Variants in KIFBP observed in about 807,000 individuals in gnomAD.
KIFBP encodes kinesin family binding protein.
Under a neutral mutation model 58.9 loss-of-function variants are expected in KIFBP, and 46 were observed. The ratio of observed to expected loss-of-function variants is 0.78; its 90% CI spans 0.62 to 1.00. The LOEUF (loss-of-function observed/expected upper bound fraction) is 1.00. Ranked by LOEUF, KIFBP falls within the 50% of genes least tolerant of loss-of-function variation. The probability of loss-of-function intolerance (pLI) is 0.00; values close to 1 mark genes in which losing one functional copy is unlikely to be tolerated. For synonymous variants in KIFBP, 241 were observed against 283.4 expected (o/e 0.85, Z 1.50); for missense variants, 651 against 752.9 (o/e 0.86, Z 1.58).
At chr10:69,010,066 T>G (rs961287873) in intron 5 of KIFBP, among the ~76,000 whole-genome samples, 1 of 152,174 alleles carries the variant, frequency 6.6e-6, no homozygotes, top group Non-Finnish European at 1.5e-5. Flanking sequence ...AAAACTAAAT[T>G]GCTGAGATAT....
chr10:69,016,385 A>G lies in KIFBP; in HGVS notation c.1835A>G (p.Glu612Gly). Residue 612 changes from glutamate (E) to glycine (G), a missense_variant, in exon 7 of 7, where the codon GAG becomes GGG. By Grantham distance (98) the Glu-to-Gly change is moderately conservative. Transcript: ENST00000361983. ...EMVSLLPTKM[E>G]RFRTKMALT The stretch of plus-strand genomic sequence containing the variant: ...GTTAGTCTTCTCCCAACAAAAATGG[A>G]GAGATTCAGAACCAAGATGGCCCTG... The G allele has an allele frequency of 6.2e-7, 1 of 1,614,152 alleles. No individual in the cohort carries two copies. The highest frequency in any genetic ancestry group is 8.5e-7 in the Non-Finnish European group (1 of 1,180,000).
At chr10:69,001,134 T>A (rs1029610271) in intron 2 of KIFBP, among the ~76,000 whole-genome samples, 30 of 151,986 alleles carry the variant, frequency 2.0e-4, no homozygotes, top group Admixed American at 1.8e-3. Context: ...TTTTTTTTTT[T>A]AACCCGTGAA....
chr10:68,991,521 T>C (rs1843346734), intron 1 of KIFBP: 1 of 438,400 alleles, frequency 2.3e-6, no homozygotes, highest in Non-Finnish European at 4.8e-6. Context: ...AGACATGCAC[T>C]GGTCCAGAAG....
chr10:68,991,565 C>T (rs368968356), intron 1 of KIFBP: 1 of 427,364 alleles, frequency 2.3e-6, no homozygotes. Context: ...GCAGCAAGTG[C>T]TGGAGGTCAT....
chr10:68,989,255 G>T lies in KIFBP; in HGVS notation c.423G>T (p.Ala141=). ...ACTGCATCTCTCTCTGCATCCAGGC[G>T]CAGGTGAGAGCGAGCCCGGCCAGGC... ...SHDCISLCIQ[A]QNNLGILWSE... is the part of the protein sequence containing the mutation. Residue 141 remains alanine (A), a synonymous_variant, in exon 1 of 7, where the codon GCG becomes GCT. Coordinates refer to ENST00000361983, the MANE Select transcript of KIFBP (RefSeq NM_015634.4). 4 of 1,612,768 alleles carry T rather than the reference G, an allele frequency of 2.5e-6. No homozygotes were observed. Among genetic ancestry groups the T allele is most frequent in the Non-Finnish European group, 3.4e-6 (4 of 1,179,796 alleles).
At chr10:69,015,335 C>CG in intron 6 of KIFBP, 2 of 545,018 alleles carry the variant, frequency 3.7e-6, no homozygotes, top group Non-Finnish European at 6.4e-6. Flanking sequence ...TATTTAAATA[C>CG]TTTTTTTTCC....
In KIFBP at chr10:68,989,007, G is replaced by T; in HGVS notation, c.175G>T (p.Glu59Ter). ...CGGCCCTGCGCCTGAGGACGAGGAT[G>T]AGCGGCCTGAGGCCGAGGACGGCCC... ...LLGPAPEDED[E>*]RPEAEDGPGA... Residue 59 changes from glutamate (E) to a stop codon, truncating the protein, a stop_gained, in exon 1 of 7, where the codon GAG becomes TAG. Coordinates refer to ENST00000361983, the MANE Select transcript of KIFBP (RefSeq NM_015634.4). LOFTEE classifies it high-confidence loss of function. 6.2e-7 allele frequency: 1 copy of T among 1,614,186 alleles called. No individual in the cohort carries two copies. Among genetic ancestry groups the T allele is most frequent in the East Asian group, 2.2e-5 (1 of 44,882 alleles).
In KIFBP at chr10:68,989,278, G is replaced by C; in HGVS notation, c.426+20G>C. On this transcript the variant is annotated intron_variant, in intron 1 of 6. Coordinates refer to ENST00000361983, the MANE Select transcript of KIFBP (RefSeq NM_015634.4). ...GCGCAGGTGAGAGCGAGCCCGGCCAGGCCGGCCCCTGTTGGCAAATGGCGA... is the reference window on the plus strand; with the variant it reads ...GCGCAGGTGAGAGCGAGCCCGGCCACGCCGGCCCCTGTTGGCAAATGGCGA... 6.2e-7 allele frequency: 1 copy of C among 1,610,946 alleles called. No homozygotes were observed. The highest frequency in any genetic ancestry group is 8.5e-7 in the Non-Finnish European group (1 of 1,179,512).
At chr10:68,996,622 G>A (rs775029888) in intron 1 of KIFBP, among the ~76,000 whole-genome samples, 2 of 151,508 alleles carry the variant, frequency 1.3e-5, no homozygotes, top group Admixed American at 1.3e-4. Flanking sequence ...GGAGGCTGAG[G>A]TAGGTGGATT....
At position 69,015,559 on chromosome 10, in the gene KIFBP, G is replaced by C. The variant is rs760482247; in HGVS notation, c.1009G>C (p.Asp337His). The C allele has an allele frequency of 1.9e-6, 3 of 1,613,508 alleles. No individual in the cohort carries two copies. The African/African-American group carries it at 4.0e-5, about 22-fold the overall frequency. Residue 337 changes from aspartate to histidine, a missense_variant, in exon 7 of 7, where the codon GAT becomes CAT. Coordinates refer to ENST00000361983, the MANE Select transcript of KIFBP (RefSeq NM_015634.4). ...LSMQDNIGEL[D>H]LDKQSELRAL... ...CCTTCAGGACAACATAGGAGAGCTT[G>C]ATCTTGATAAACAGTCTGAACTTAG...
intron 6 of KIFBP, among the ~76,000 whole-genome samples, chr10:69,013,356 G>C (rs1378106288): frequency 6.6e-6 from 1 of 152,154 alleles, no homozygotes; most frequent in Non-Finnish European, 1.5e-5. Context: ...TAAAGAGGAG[G>C]CATATTAAGG....
chr10:69,005,972 A>G (rs995295444), intron 4 of KIFBP, 57 bp downstream of exon 4: 3 of 1,432,386 alleles, frequency 2.1e-6, no homozygotes, highest in African/African-American at 1.4e-5. Context: ...TAAAAATAGA[A>G]CCAGTAGTAC....
chr10:69,002,538 A>G (rs991047038), intron 2 of KIFBP, among the ~76,000 whole-genome samples: 1 of 152,010 alleles, frequency 6.6e-6, no homozygotes, highest in South Asian at 2.1e-4. Flanking sequence ...ATATTAGTCT[A>G]CCCTTTCTTG....
chr10:69,005,487 C>T (rs1843523059), intron 3 of KIFBP, among the ~76,000 whole-genome samples: 1 of 152,066 alleles, frequency 6.6e-6, no homozygotes, highest in Non-Finnish European at 1.5e-5. Flanking sequence ...ACTGGCCTGA[C>T]TATTATGGTG....
rs1839005486 is a variant in KIFBP at position 69,016,316 on chromosome 10, C to T, written c.1766C>T (p.Ala589Val). 3 of 1,608,368 alleles carry T rather than the reference C, an allele frequency of 1.9e-6. No homozygotes were observed. The highest frequency in any genetic ancestry group is 2.5e-6 in the Non-Finnish European group (3 of 1,177,596). Reference sequence around the variant, plus strand: ...GATTACTGTGAAAAGCATCCTGAGGCCGCCCAGGAAATAGAAGTTGAGCTA... The same window carrying T: ...GATTACTGTGAAAAGCATCCTGAGGTCGCCCAGGAAATAGAAGTTGAGCTA... ...IVDYCEKHPE[A>V]AQEIEVELEL... Residue 589 changes from alanine to valine, a missense_variant, in exon 7 of 7, where the codon GCC becomes GTC. Coordinates refer to ENST00000361983, the MANE Select transcript of KIFBP (RefSeq NM_015634.4).
intron 1 of KIFBP, among the ~76,000 whole-genome samples, chr10:68,999,286 T>C (rs1468876330): frequency 1.3e-5 from 2 of 151,394 alleles, no homozygotes; most frequent in East Asian, 1.9e-4. Flanking sequence ...TTAGTAGAGA[T>C]GGGGTTTCAC....
rs568582383 is a variant in KIFBP, at chr10:69,016,561, G to A, written c.*145G>A. ...GATACAGTCAACTGAGTGTTTGCTA[G>A]GATCCTAAGGAACATAAAGTTAATT... On this transcript the variant is annotated 3_prime_UTR_variant, in exon 7 of 7. Coordinates refer to ENST00000361983, the MANE Select transcript of KIFBP (RefSeq NM_015634.4). 2 of 728,406 alleles carry A rather than the reference G, an allele frequency of 2.7e-6. No homozygotes were observed. The highest frequency in any genetic ancestry group is 1.8e-5 in the South Asian group (1 of 54,782). 45.1% of individuals were successfully genotyped at this position (728,406 alleles called of 1,614,324 possible). A position where few individuals can be genotyped will look rare whatever the true frequency, so the allele number is the denominator to read the frequency against.
At chr10:69,015,499 T>C (rs764692383) in intron 6 of KIFBP, 42 bp from the exon 7 acceptor site, 2 of 1,580,292 alleles carry the variant, frequency 1.3e-6, no homozygotes, top group Non-Finnish European at 1.7e-6. Context: ...CAGCAGGAGG[T>C]GAGTGTCCTA....
At chr10:69,008,391 A>AAAAAAATAT in intron 4 of KIFBP, among the ~76,000 whole-genome samples, 23 of 71,590 alleles carry the variant, frequency 3.2e-4, no homozygotes, top group African/African-American at 1.3e-3. Context: ...AAAAAAAAAA[A>AAAAAAATAT]ATATATATAT....
Sources: allele counts gnomAD v4.1 joint callset (sites outside exome capture counted in the v4.1 genomes callset), GRCh38; gene constraint gnomAD v4.1.1; transcripts MANE v1.5; gene names NCBI Gene and HGNC (gene_info 2026-07-23, HGNC 2026-07-21).